The following AGBL4 variants were observed in gnomAD, a reference collection of about 807,000 sequenced individuals.
AGBL4 encodes the protein cytosolic carboxypeptidase 6.
Under a neutral mutation model 66.4 loss-of-function variants are expected in AGBL4, and 58 were observed. The observed-to-expected ratio is 0.87, with a 90% CI of 0.71 to 1.09. AGBL4 has a LOEUF of 1.09. Among genes scored for constraint, AGBL4 ranks in the 50% least tolerant of loss-of-function variants. AGBL4 has a pLI of 0.00. For missense variants in AGBL4, 579 were observed against 631.0 expected (o/e 0.92, Z 0.88); for synonymous variants, 234 against 222.9 (o/e 1.05, Z -0.44).
At chr1:48,554,458 A>T (rs759928050) in intron 11 of AGBL4, among the ~76,000 whole-genome samples, 1 of 152,148 alleles carries the variant, frequency 6.6e-6, no homozygotes, top group Non-Finnish European at 1.5e-5. Context: ...ATATCTCATT[A>T]TTGGTCATTT....
chr1:49,099,455 C>T (rs1645162601), intron 4 of AGBL4, among the ~76,000 whole-genome samples: 1 of 152,124 alleles, frequency 6.6e-6, no homozygotes, highest in South Asian at 2.1e-4. Flanking sequence ...ATATAAGCAA[C>T]TCAATGTATC....
intron 2 of AGBL4, among the ~76,000 whole-genome samples, chr1:49,850,363 T>A (rs1005436415): frequency 2.6e-5 from 4 of 152,128 alleles, no homozygotes; most frequent in Non-Finnish European, 5.9e-5. Flanking sequence ...TCATAATTCT[T>A]AGGGGGAACC....
At chr1:49,539,130 A>G (rs1651820226) in intron 3 of AGBL4, among the ~76,000 whole-genome samples, 1 of 152,186 alleles carries the variant, frequency 6.6e-6, no homozygotes, top group African/African-American at 2.4e-5. Flanking sequence ...ATTTATTGAT[A>G]TGGAAATATA....
At chr1:49,037,241 C>T (rs868566791) in intron 5 of AGBL4, among the ~76,000 whole-genome samples, 110 of 152,058 alleles carry the variant, frequency 7.2e-4, no homozygotes, top group African/African-American at 2.4e-3. Flanking sequence ...TTTCTTATGT[C>T]ATTCCTATTA....
chr1:48,896,122 G>A (rs959125463), intron 5 of AGBL4, among the ~76,000 whole-genome samples: 4 of 152,126 alleles, frequency 2.6e-5, no homozygotes, highest in African/African-American at 4.8e-5. Flanking sequence ...AAATGGCAAA[G>A]CACCCTGCTA....
intron 1 of AGBL4, among the ~76,000 whole-genome samples, chr1:49,968,833 A>C (rs957183950): frequency 2.0e-5 from 3 of 152,242 alleles, no homozygotes; most frequent in Non-Finnish European, 4.4e-5. Context: ...GTAAGAAAAA[A>C]GGAGCCTTAG....
chr1:49,760,627 T>C (rs1034916463), intron 2 of AGBL4, among the ~76,000 whole-genome samples: 1 of 152,184 alleles, frequency 6.6e-6, no homozygotes, highest in Admixed American at 6.5e-5. Context: ...TCCTTAAGGA[T>C]CTAGAACCAG....
intron 3 of AGBL4, among the ~76,000 whole-genome samples, chr1:49,440,386 G>C (rs776643681): frequency 2.0e-5 from 3 of 152,102 alleles, no homozygotes; most frequent in Admixed American, 1.3e-4. Flanking sequence ...GCTTTAAATA[G>C]TATGGAGAAC....
chr1:49,322,195 C>T (rs1272087246), intron 3 of AGBL4, among the ~76,000 whole-genome samples: 1 of 152,148 alleles, frequency 6.6e-6, no homozygotes, highest in Non-Finnish European at 1.5e-5. Flanking sequence ...ACACAGTTCT[C>T]AGAAGCATAT....
Position 49,658,347 on chromosome 1 carries a change from G to A in AGBL4, c.282+38966C>T, listed in dbSNP as rs564321233. On this transcript the variant is annotated intron_variant, in intron 3 of 13. Transcript: ENST00000371839. ...AAGTTAGAAGGGTGATCATTAAAAA[G>A]TCAGGAAACAACAGGTGCTGGAGAG... Among the ~76,000 whole-genome samples the A allele has an allele frequency of 4.6e-5, 7 of 152,302 alleles. No individual in the cohort carries two copies. In the South Asian group the frequency reaches 1.5e-3, roughly 32 times the overall value.
At chr1:49,444,880 T>C (rs1646117985) in intron 3 of AGBL4, among the ~76,000 whole-genome samples, 1 of 152,088 alleles carries the variant, frequency 6.6e-6, no homozygotes, top group Admixed American at 6.6e-5. Context: ...TTCTGATAGA[T>C]TTCTGTAGTG....
intron 2 of AGBL4, 130 bp downstream of exon 2, chr1:49,851,266 T>C (rs1646296311): frequency 3.6e-6 from 4 of 1,100,670 alleles, no homozygotes; most frequent in Admixed American, 8.1e-5. Flanking sequence ...TTTTTTCCCA[T>C]AAAACTTGTC....
At chr1:48,955,663 A>G (rs1192496426) in intron 5 of AGBL4, among the ~76,000 whole-genome samples, 2 of 152,166 alleles carry the variant, frequency 1.3e-5, no homozygotes, top group African/African-American at 2.4e-5. Context: ...GATTACAGGC[A>G]TGAGCCACTA....
chr1:48,977,200 T>C (rs1659407421), intron 5 of AGBL4, among the ~76,000 whole-genome samples: 1 of 152,194 alleles, frequency 6.6e-6, no homozygotes, highest in South Asian at 2.1e-4. Context: ...ATTTTGGCTG[T>C]GCCAGTTATA....
intron 1 of AGBL4, among the ~76,000 whole-genome samples, chr1:49,986,541 C>G (rs1659519259): frequency 6.6e-6 from 1 of 152,052 alleles, no homozygotes; most frequent in South Asian, 2.1e-4. Flanking sequence ...AGCAGTAGGT[C>G]ATAGAGCATG....
chr1:49,309,444 A>G (rs564974376), intron 3 of AGBL4, among the ~76,000 whole-genome samples: 2 of 152,192 alleles, frequency 1.3e-5, no homozygotes, highest in African/African-American at 2.4e-5. Flanking sequence ...TAATTATGAT[A>G]TTTTTGATAC....
At chr1:49,811,763 C>T (rs1230105718) in intron 2 of AGBL4, among the ~76,000 whole-genome samples, 2 of 152,034 alleles carry the variant, frequency 1.3e-5, no homozygotes, top group African/African-American at 2.4e-5. Context: ...CCAATAGTCA[C>T]CATATATTAC....
chr1:50,001,403 A>C (rs1660738574), intron 1 of AGBL4, among the ~76,000 whole-genome samples: 1 of 146,550 alleles, frequency 6.8e-6, no homozygotes, highest in Non-Finnish European at 1.5e-5. Context: ...TTTTCAACTT[A>C]GGAAAAAAAT....
chr1:49,906,703 T>C (rs1393261900), intron 1 of AGBL4, among the ~76,000 whole-genome samples: 1 of 152,118 alleles, frequency 6.6e-6, no homozygotes, highest in East Asian at 1.9e-4. Flanking sequence ...TATGTGTATG[T>C]GTTTGTGTGT....
Sources: allele counts gnomAD v4.1 joint callset (sites outside exome capture counted in the v4.1 genomes callset), GRCh38; gene constraint gnomAD v4.1.1; transcripts MANE v1.5; gene names NCBI Gene and HGNC (gene_info 2026-07-23, HGNC 2026-07-21).